GAB1: variants seen among roughly 807,000 people sequenced by gnomAD.
GAB1 encodes GRB2 associated binding protein 1, also known as GRB2-associated-binding protein 1.
In GAB1, 19 loss-of-function variants were observed where a neutral mutation model predicts 66.5. The ratio of observed to expected loss-of-function variants is 0.29; its 90% CI spans 0.20 to 0.42. The LOEUF (loss-of-function observed/expected upper bound fraction) is 0.42, where lower values mean the gene tolerates loss of function less well. Among genes scored for constraint, GAB1 ranks in the 10% least tolerant of loss-of-function variants. The pLI is 1.00. For synonymous variants in GAB1, 294 were observed against 301.4 expected (o/e 0.98, Z 0.25); for missense variants, 732 against 858.5 (o/e 0.85, Z 1.84).
chr4:143,366,904 G>A (rs1178848844), intron 1 of GAB1, among the ~76,000 whole-genome samples: 1 of 151,854 alleles, frequency 6.6e-6, no homozygotes, highest in Non-Finnish European at 1.5e-5. Context: ...CTCTGTCCAC[G>A]TCTCATGTCT....
At chr4:143,377,412 A>G (rs1236230694) in intron 1 of GAB1, among the ~76,000 whole-genome samples, 1 of 152,094 alleles carries the variant, frequency 6.6e-6, no homozygotes, top group African/African-American at 2.4e-5. Flanking sequence ...AAAACTTTCA[A>G]CCATGTATGG....
At chr4:143,450,892 A>C (rs1013189381) in intron 6 of GAB1, among the ~76,000 whole-genome samples, 5 of 58,768 alleles carry the variant, frequency 8.5e-5, no homozygotes, top group Non-Finnish European at 1.6e-4. Flanking sequence ...CTGCATCTCA[A>C]AAAAAAAAAA....
intron 1 of GAB1, among the ~76,000 whole-genome samples, chr4:143,390,322 CATA>C (rs1560735749): frequency 6.6e-6 from 1 of 151,768 alleles, no homozygotes; most frequent in Non-Finnish European, 1.5e-5. Flanking sequence ...ATTTTGAGCT[CATA>C]ATGTTTCTGC....
chr4:143,356,847 A>G (rs1395039054), intron 1 of GAB1, among the ~76,000 whole-genome samples: 6 of 152,070 alleles, frequency 3.9e-5, no homozygotes, highest in Admixed American at 2.0e-4. Flanking sequence ...TAAACTTTTT[A>G]CTTTTTCTTC....
chr4:143,467,160 A>G (rs1735835123), intron 9 of GAB1, among the ~76,000 whole-genome samples: 1 of 152,190 alleles, frequency 6.6e-6, no homozygotes, highest in Non-Finnish European at 1.5e-5. Flanking sequence ...TTGAGTTTAC[A>G]GTTCTTGATC....
chr4:143,386,839 A>G (rs978915366), intron 1 of GAB1, among the ~76,000 whole-genome samples: 1 of 152,146 alleles, frequency 6.6e-6, no homozygotes, highest in Admixed American at 6.5e-5. Flanking sequence ...AAGATTTTGG[A>G]TTTTCAGATT....
intron 1 of GAB1, among the ~76,000 whole-genome samples, chr4:143,386,000 G>A (rs1432292018): frequency 2.6e-5 from 4 of 152,076 alleles, no homozygotes; most frequent in African/African-American, 9.7e-5. Context: ...AAACTAACCA[G>A]GCGTGGCTGT....
intron 1 of GAB1, among the ~76,000 whole-genome samples, chr4:143,376,652 A>G (rs1730430450): frequency 6.6e-6 from 1 of 152,210 alleles, no homozygotes; most frequent in Admixed American, 6.5e-5. Flanking sequence ...TTTGTTTTAT[A>G]AGGGCATTTT....
At position 143,456,332 on chromosome 4, in the gene GAB1, C is replaced by CT. The variant is rs377389872; in HGVS notation, c.1586-3052dup. Among the ~76,000 whole-genome samples, 852 of 152,218 alleles carry CT rather than the reference C, an allele frequency of 5.6e-3. 10 individuals carry two copies. The highest frequency in any genetic ancestry group is 0.019 in the African/African-American group (799 of 41,532). ...ATTAGCCAGGCGTGGTGGCGGGCAC[C>CT]TGTAGTCCCAGCTACTTGGGAGGCT... On this transcript the variant is annotated intron_variant, in intron 6 of 9. Coordinates refer to ENST00000262994, the MANE Select transcript of GAB1 (RefSeq NM_002039.4).
intron 1 of GAB1, among the ~76,000 whole-genome samples, chr4:143,344,200 T>C (rs1032308666): frequency 6.6e-6 from 1 of 152,222 alleles, no homozygotes; most frequent in African/African-American, 2.4e-5. Context: ...AGGGCTGCCT[T>C]GGGCTAGCGT....
At chr4:143,441,074 C>T (rs1734204107) in intron 6 of GAB1, among the ~76,000 whole-genome samples, 1 of 152,108 alleles carries the variant, frequency 6.6e-6, no homozygotes, top group Non-Finnish European at 1.5e-5. Context: ...GTAATACATG[C>T]TTCTAGTCTG....
chr4:143,414,242 A>AG (rs1348514642), intron 1 of GAB1, among the ~76,000 whole-genome samples: 1 of 152,162 alleles, frequency 6.6e-6, no homozygotes, highest in East Asian at 1.9e-4. Context: ...TGCCTCCCTG[A>AG]GGAAGAATTT....
At chr4:143,433,341 G>A (rs1733773506) in intron 2 of GAB1, 150 bp from the exon 3 acceptor site, 2 of 631,186 alleles carry the variant, frequency 3.2e-6, no homozygotes, top group Admixed American at 2.7e-5. Flanking sequence ...CCTGTATAAA[G>A]GTCGCCATTT....
At chr4:143,356,972 A>G (rs1463347251) in intron 1 of GAB1, among the ~76,000 whole-genome samples, 1 of 152,068 alleles carries the variant, frequency 6.6e-6, no homozygotes, top group African/African-American at 2.4e-5. Context: ...TTCTCTTTCT[A>G]CCACCTTTTT....
At chr4:143,370,818 G>A (rs906907540) in intron 1 of GAB1, among the ~76,000 whole-genome samples, 7 of 152,110 alleles carry the variant, frequency 4.6e-5, no homozygotes, top group Admixed American at 2.6e-4. Context: ...CTGTCCTTGC[G>A]ATAGTTTGCT....
At chr4:143,405,204 C>G (rs1376105908) in intron 1 of GAB1, among the ~76,000 whole-genome samples, 1 of 152,180 alleles carries the variant, frequency 6.6e-6, no homozygotes, top group Admixed American at 6.5e-5. Context: ...ATTACACACA[C>G]ACATACACAC....
intron 1 of GAB1, among the ~76,000 whole-genome samples, chr4:143,344,368 A>G (rs1464921595): frequency 1.3e-5 from 2 of 152,156 alleles, no homozygotes; most frequent in Non-Finnish European, 2.9e-5. Context: ...CATGGCGCCT[A>G]ATTTCCACCA....
At chr4:143,405,777 G>A (rs1043418072) in intron 1 of GAB1, among the ~76,000 whole-genome samples, 3 of 152,146 alleles carry the variant, frequency 2.0e-5, no homozygotes, top group Non-Finnish European at 4.4e-5. Context: ...AAGGTACTGT[G>A]GACATCTTGG....
intron 1 of GAB1, among the ~76,000 whole-genome samples, chr4:143,339,141 T>C (rs1728749651): frequency 6.6e-6 from 1 of 152,234 alleles, no homozygotes; most frequent in Admixed American, 6.5e-5. Context: ...CAGTCCTGCA[T>C]TTGAACCCAG....
Sources: allele counts gnomAD v4.1 joint callset (sites outside exome capture counted in the v4.1 genomes callset), GRCh38; gene constraint gnomAD v4.1.1; transcripts MANE v1.5; gene names NCBI Gene and HGNC (gene_info 2026-07-23, HGNC 2026-07-21).